The following PDZD9 variants were observed in gnomAD, a reference collection of about 807,000 sequenced individuals.
PDZD9 encodes PDZ domain containing 9.
In PDZD9, 13 loss-of-function variants were observed where a neutral mutation model predicts 16.3. That is an observed-to-expected ratio of 0.80 (90% confidence interval 0.52 to 1.27). PDZD9 has a LOEUF of 1.27. Ranked by LOEUF, PDZD9 falls within the 50% of genes most tolerant of loss-of-function variation. The probability of loss-of-function intolerance (pLI) is 0.00; values close to 1 mark genes in which losing one functional copy is unlikely to be tolerated. For missense variants in PDZD9, 288 were observed against 310.9 expected (o/e 0.93, Z 0.55); for synonymous variants, 120 against 111.0 (o/e 1.08, Z -0.51).
chr16:21,983,098 A>C (rs1670659247), downstream of PDZD9: 1 of 1,613,388 alleles, frequency 6.2e-7, no homozygotes. Flanking sequence ...GCGGCAAAGA[A>C]GTTTGTTTCT....
the PDZD9 span, chr16:21,968,679 G>A: frequency 6.2e-7 from 1 of 1,608,562 alleles, no homozygotes; most frequent in Non-Finnish European, 8.5e-7. Flanking sequence ...GGCTTTGATT[G>A]GACTTGGTAA....
chr16:21,964,534 A>G, the PDZD9 span, among the ~76,000 whole-genome samples: 6 of 152,046 alleles, frequency 3.9e-5, no homozygotes, highest in Admixed American at 2.0e-4. Flanking sequence ...TCCAGCTGCA[A>G]TTCCCATTTG....
chr16:21,980,848 C>G, downstream of PDZD9: 1 of 883,894 alleles, frequency 1.1e-6, no homozygotes, highest in African/African-American at 1.7e-5. Flanking sequence ...GGGCTCATTC[C>G]CATAAGATCC....
chr16:21,966,748 A>G, the PDZD9 span, among the ~76,000 whole-genome samples: 1 of 152,250 alleles, frequency 6.6e-6, no homozygotes. Flanking sequence ...GAAATTTTTC[A>G]GAAATCAAAT....
At chr16:21,980,852 A>G, downstream of PDZD9, 1 of 839,496 alleles carries the variant, frequency 1.2e-6, no homozygotes, top group Non-Finnish European at 1.8e-6. Flanking sequence ...TCATTCCCAT[A>G]AGATCCGCAA....
rs189368540 is a variant in PDZD9 at position 21,992,018 on chromosome 16, C to T, written c.212-3227G>A. Among the ~76,000 whole-genome samples the T allele has an allele frequency of 6.6e-5, 10 of 152,256 alleles. No homozygotes were observed. In the South Asian group the frequency reaches 1.5e-3, roughly 22 times the overall value. ...ATGAACAAGTTATTTCATCTCTCTA[C>T]GCCTCTGTATTTCATTATCTACATT... is the stretch of plus-strand genomic sequence containing the variant. On this transcript the variant is annotated intron_variant, in intron 2 of 3. Coordinates refer to ENST00000424898, the MANE Select transcript of PDZD9 (RefSeq NM_001363519.1).
At chr16:21,995,690 C>T (rs1055755239) in intron 2 of PDZD9, among the ~76,000 whole-genome samples, 10 of 151,934 alleles carry the variant, frequency 6.6e-5, no homozygotes, top group East Asian at 1.9e-4. Context: ...CTCCGCCTCC[C>T]GGGTTCAAGA....
chr16:21,981,624 A>G (rs1291659160), downstream of PDZD9, among the ~76,000 whole-genome samples: 1 of 151,688 alleles, frequency 6.6e-6, no homozygotes, highest in Non-Finnish European at 1.5e-5. Flanking sequence ...GCTTGGTGGC[A>G]TGCGCCTGTA....
At chr16:21,957,566 G>A in the PDZD9 span, 1 of 1,613,812 alleles carries the variant, frequency 6.2e-7, no homozygotes, top group Non-Finnish European at 8.5e-7. Flanking sequence ...CATCCAGTCT[G>A]GTGAGTATCT....
intron 1 of PDZD9, 144 bp downstream of exon 1, chr16:22,000,872 TG>T (rs1899282377): frequency 4.5e-5 from 31 of 695,542 alleles, no homozygotes; most frequent in African/African-American, 1.1e-4. Flanking sequence ...ATGATGATGA[TG>T]ATAATGATGA....
the PDZD9 span, among the ~76,000 whole-genome samples, chr16:21,963,399 G>A: frequency 6.6e-6 from 1 of 152,074 alleles, no homozygotes; most frequent in African/African-American, 2.4e-5. Flanking sequence ...TTTCATGTTT[G>A]ATGGTAAGTA....
At chr16:21,966,490 T>A in the PDZD9 span, among the ~76,000 whole-genome samples, 1 of 152,284 alleles carries the variant, frequency 6.6e-6, no homozygotes, top group Admixed American at 6.5e-5. Context: ...CAAAAGACAT[T>A]AAGAGAAAAA....
chr16:21,979,452 C>T (rs975711406), downstream of PDZD9, among the ~76,000 whole-genome samples: 2 of 152,142 alleles, frequency 1.3e-5, no homozygotes, highest in Non-Finnish European at 2.9e-5. Context: ...ATGGTATAGC[C>T]TACTACACAC....
the PDZD9 span, among the ~76,000 whole-genome samples, chr16:21,972,743 C>T: frequency 6.6e-6 from 1 of 152,072 alleles, no homozygotes; most frequent in Non-Finnish European, 1.5e-5. Flanking sequence ...ATAGAAATTC[C>T]TAGTTCAGAA....
the PDZD9 span, among the ~76,000 whole-genome samples, chr16:21,963,743 A>G: frequency 6.6e-6 from 1 of 152,140 alleles, no homozygotes; most frequent in Non-Finnish European, 1.5e-5. Flanking sequence ...TGCTGGGATT[A>G]CAGGCGTGAG....
At chr16:21,968,640 G>A in the PDZD9 span, 12 of 1,606,898 alleles carry the variant, frequency 7.5e-6, no homozygotes, top group Middle Eastern at 1.7e-4. Flanking sequence ...ACATTACTTC[G>A]TTCAGAACCA....
the PDZD9 span, chr16:21,976,182 T>C: frequency 1.9e-6 from 3 of 1,614,024 alleles, no homozygotes; most frequent in Non-Finnish European, 8.5e-7. Flanking sequence ...CAAGGCTGCC[T>C]ATAATCAAGT....
the PDZD9 span, among the ~76,000 whole-genome samples, chr16:21,969,190 T>C: frequency 6.6e-6 from 1 of 152,152 alleles, no homozygotes; most frequent in Admixed American, 6.6e-5. Flanking sequence ...AAATTGTTAG[T>C]AGGAATATAA....
chr16:21,995,327 A>G (rs1332311931), intron 2 of PDZD9: 18 of 442,500 alleles, frequency 4.1e-5, no homozygotes, highest in East Asian at 2.9e-4. Flanking sequence ...CCATGAGCCA[A>G]TTAAACCTCT....
Sources: allele counts gnomAD v4.1 joint callset (sites outside exome capture counted in the v4.1 genomes callset), GRCh38; gene constraint gnomAD v4.1.1; transcripts MANE v1.5; gene names NCBI Gene and HGNC (gene_info 2026-07-23, HGNC 2026-07-21).